KDM4C: variants seen among roughly 807,000 people sequenced by gnomAD.
KDM4C encodes lysine demethylase 4C.
Under a neutral mutation model 129.3 loss-of-function variants are expected in KDM4C, and 81 were observed. That is an observed-to-expected ratio of 0.63 (90% CI 0.52 to 0.75). KDM4C has a LOEUF of 0.75. KDM4C is among the 30% of genes least tolerant of loss of function. The pLI, the probability that KDM4C is intolerant of heterozygous loss-of-function variation, is 0.00. For synonymous variants in KDM4C, 573 were observed against 456.1 expected (o/e 1.26, Z -3.26); for missense variants, 1,457 against 1,304.0 (o/e 1.12, Z -1.81).
Position 6,951,738 on chromosome 9 carries a change from T to G in KDM4C, c.922-29187T>G, listed in dbSNP as rs1265895744. On this transcript the variant is annotated intron_variant, in intron 8 of 21. Coordinates refer to ENST00000381309, the MANE Select transcript of KDM4C (RefSeq NM_015061.6). ...CTGTCATTGTCCTATTTCATGCATT[T>G]AATCATGTAGCATAGAGATGCCCAA... 3.9e-5 allele frequency among the ~76,000 whole-genome samples: 6 copies of G among 152,244 alleles called. No individual in the cohort carries two copies. The East Asian group carries it at 1.2e-3, about 29-fold the overall frequency.
At chr9:6,846,581 C>T (rs926470615) in intron 4 of KDM4C, among the ~76,000 whole-genome samples, 2 of 152,166 alleles carry the variant, frequency 1.3e-5, no homozygotes, top group African/African-American at 4.8e-5. Context: ...AATATTTGCA[C>T]AACTGCTTAA....
chr9:6,995,875 G>T (rs1044803666), intron 12 of KDM4C, among the ~76,000 whole-genome samples: 1 of 143,960 alleles, frequency 6.9e-6, no homozygotes, highest in Non-Finnish European at 1.5e-5. Context: ...GTTTCACTGT[G>T]TTAGCCAGGA....
intron 5 of KDM4C, among the ~76,000 whole-genome samples, chr9:6,874,730 T>C (rs1303097499): frequency 2.0e-5 from 3 of 152,072 alleles, no homozygotes; most frequent in Non-Finnish European, 4.4e-5. Flanking sequence ...GCAACATAGC[T>C]CTGGGTAAGA....
At chr9:7,015,812 G>A (rs369998448) in intron 14 of KDM4C, 41 bp from the exon 15 acceptor site, 102 of 1,385,794 alleles carry the variant, frequency 7.4e-5, no homozygotes, top group Non-Finnish European at 1.0e-4. Flanking sequence ...TTTTAAAGGT[G>A]AAAAAGACCT....
intron 1 of KDM4C, among the ~76,000 whole-genome samples, chr9:6,723,260 A>C (rs1817016027): frequency 6.6e-6 from 1 of 152,092 alleles, no homozygotes; most frequent in Admixed American, 6.6e-5. Flanking sequence ...CTGTAATCCC[A>C]GCTACTCGGG....
At chr9:6,922,059 T>A (rs1347587451) in intron 8 of KDM4C, among the ~76,000 whole-genome samples, 1 of 152,230 alleles carries the variant, frequency 6.6e-6, no homozygotes, top group Non-Finnish European at 1.5e-5. Context: ...CACACCTGTA[T>A]GCCCAGTGCC....
intron 11 of KDM4C, 34 bp from the exon 12 acceptor site, chr9:6,990,382 T>C (rs1818512255): frequency 3.8e-6 from 5 of 1,305,316 alleles, no homozygotes; most frequent in African/African-American, 1.5e-5. Context: ...TTTTTGATAA[T>C]GGTATTTCTC....
chr9:6,822,241 TA>T lies in KDM4C; in HGVS notation c.435+7497del, dbSNP rs1385812119. On this transcript the variant is annotated intron_variant, in intron 4 of 21. Transcript: ENST00000381309. ...GTGCACTACCGTGGCAGAGGTGCTT[TA>T]GTTGTGACAGATTATATGGCCTTCA... 2.0e-5 allele frequency among the ~76,000 whole-genome samples: 3 copies of T among 152,348 alleles called. No homozygotes were observed. The East Asian group carries it at 5.8e-4, about 29-fold the overall frequency.
intron 21 of KDM4C, chr9:7,170,866 A>G: frequency 1.6e-6 from 1 of 625,990 alleles, no homozygotes; most frequent in Non-Finnish European, 2.0e-6. Context: ...TTGAAGAAGA[A>G]GAATTGTCTT....
At chr9:7,087,893 A>G (rs1027801305) in intron 17 of KDM4C, among the ~76,000 whole-genome samples, 4 of 152,232 alleles carry the variant, frequency 2.6e-5, no homozygotes, top group African/African-American at 9.6e-5. Context: ...GTGAGAGGGC[A>G]CGTAGTTTTT....
chr9:6,735,476 C>A (rs573031998), intron 1 of KDM4C, among the ~76,000 whole-genome samples: 21 of 152,244 alleles, frequency 1.4e-4, no homozygotes, highest in African/African-American at 4.8e-4. Flanking sequence ...TGGGAGGAAC[C>A]TGGTGGGAGG....
intron 8 of KDM4C, among the ~76,000 whole-genome samples, chr9:6,935,817 G>A (rs1012779934): frequency 1.1e-4 from 17 of 151,986 alleles, no homozygotes; most frequent in African/African-American, 3.6e-4. Flanking sequence ...AAGTTTTTGC[G>A]GGGAATTTTT....
intron 19 of KDM4C, among the ~76,000 whole-genome samples, chr9:7,160,429 A>T (rs1356182517): frequency 6.6e-6 from 1 of 152,172 alleles, no homozygotes; most frequent in East Asian, 1.9e-4. Flanking sequence ...TAGAATTTTC[A>T]GCTTTTCTGC....
chr9:6,849,629 G>T lies in KDM4C; in HGVS notation c.558G>T (p.Thr186=). ...TCTATTTTGGCATGTGGAAGACCAC[G>T]TTTGCATGGCACACCGAAGACATGG... ...PYLYFGMWKT[T]FAWHTEDMDL... The change falls in exon 5 of 22, where the codon ACG becomes ACT. Residue 186 remains threonine (T), a synonymous_variant. Coordinates refer to ENST00000381309, the MANE Select transcript of KDM4C (RefSeq NM_015061.6). 3.1e-6 allele frequency: 5 copies of T among 1,613,952 alleles called. No homozygotes were observed. Among genetic ancestry groups the T allele is most frequent in the Non-Finnish European group, 4.2e-6 (5 of 1,179,868 alleles).
chr9:6,872,968 C>T (rs1460429265), intron 5 of KDM4C, among the ~76,000 whole-genome samples: 1 of 152,026 alleles, frequency 6.6e-6, no homozygotes, highest in Non-Finnish European at 1.5e-5. Flanking sequence ...CTCTTGTGGC[C>T]CAGGCTGGAG....
chr9:6,794,603 C>A (rs1373859179), intron 2 of KDM4C, among the ~76,000 whole-genome samples: 28 of 152,070 alleles, frequency 1.8e-4, no homozygotes, highest in Admixed American at 1.8e-3. Context: ...AAATAAAGCA[C>A]CTTGTCTGGG....
At chr9:6,857,497 A>C (rs1034941512) in intron 5 of KDM4C, among the ~76,000 whole-genome samples, 1 of 152,168 alleles carries the variant, frequency 6.6e-6, no homozygotes, top group Non-Finnish European at 1.5e-5. Context: ...GCAGCCCCAA[A>C]ACATTGATCT....
chr9:6,721,165 C>A (rs2130166981), intron 1 of KDM4C: 1 of 541,516 alleles, frequency 1.8e-6, no homozygotes, highest in Non-Finnish European at 3.2e-6. Context: ...CCTCAACATC[C>A]CAGGCTCAGG....
At chr9:7,011,965 GCTT>G in intron 13 of KDM4C, 86 bp downstream of exon 13, 1 of 1,135,896 alleles carries the variant, frequency 8.8e-7, no homozygotes, top group South Asian at 1.5e-5. Flanking sequence ...ATTGTTGTGG[GCTT>G]CCTTTGCACA....
Sources: allele counts gnomAD v4.1 joint callset (sites outside exome capture counted in the v4.1 genomes callset), GRCh38; gene constraint gnomAD v4.1.1; transcripts MANE v1.5; gene names NCBI Gene and HGNC (gene_info 2026-07-23, HGNC 2026-07-21).